The following ACSM3 variants were observed in gnomAD, a reference collection of about 807,000 sequenced individuals.
ACSM3 encodes acyl-coenzyme A synthetase ACSM3, mitochondrial.
Under a neutral mutation model 74.1 loss-of-function variants are expected in ACSM3, and 61 were observed. That is an observed-to-expected ratio of 0.82 (90% CI 0.67 to 1.02). The LOEUF (loss-of-function observed/expected upper bound fraction) is 1.02. Among genes scored for constraint, ACSM3 ranks in the 50% least tolerant of loss-of-function variants. ACSM3 has a pLI of 0.00. For missense variants in ACSM3, 660 were observed against 697.0 expected, an observed-to-expected ratio of 0.95 and a Z score of 0.60; for synonymous variants, 213 against 241.5, an observed-to-expected ratio of 0.88 and a Z score of 1.09.
chr16:20,707,413 T>C (rs558504533), intron 1 of ACSM3, among the ~76,000 whole-genome samples: 126 of 152,322 alleles, frequency 8.3e-4, no homozygotes, highest in South Asian at 2.1e-3. Context: ...TCTCACCCAG[T>C]GGTCCAGCAA....
chr16:20,797,172 T>A lies in ACSM3; in HGVS notation c.*200T>A. ...AAATTCCTCCACATTAGTGTCAATGTTCCTATCATTTCTTAATATAAAAAT... is the reference window on the plus strand; with the variant it reads ...AAATTCCTCCACATTAGTGTCAATGATCCTATCATTTCTTAATATAAAAAT... On this transcript the variant is annotated 3_prime_UTR_variant, in exon 14 of 14. Transcript: ENST00000289416. 1 of 1,301,844 alleles carries A rather than the reference T, an allele frequency of 7.7e-7. No individual in the cohort carries two copies. The highest frequency in any genetic ancestry group is 1.5e-5 in the African/African-American group (1 of 64,804). 80.6% of individuals were successfully genotyped at this position (1,301,844 alleles called of 1,614,324 possible).
In ACSM3 at chr16:20,699,191, T is replaced by C. The variant is rs975388746; in HGVS notation, c.-190+24369T>C. Among the ~76,000 whole-genome samples, 6 of 152,302 alleles carry C rather than the reference T, an allele frequency of 3.9e-5. No homozygotes were observed. In the East Asian group the frequency reaches 7.7e-4, roughly 20 times the overall value. ...TGAAAGGATTATGTGACACCAAGCC[T>C]GTAAAGCACCTGGACCAGGCATTTA... On this transcript the variant is annotated intron_variant, in intron 1 of 3. Coordinates refer to the ACSM3 transcript ENST00000561584.
chr16:20,698,673 TA>T (rs2079703460), intron 1 of ACSM3, among the ~76,000 whole-genome samples: 5 of 152,012 alleles, frequency 3.3e-5, no homozygotes, highest in Admixed American at 1.3e-4. Context: ...CACACCCAGT[TA>T]ATTTTTGTAT....
At chr16:20,764,328 A>G (rs1253834441) in intron 1 of ACSM3, among the ~76,000 whole-genome samples, 1 of 152,276 alleles carries the variant, frequency 6.6e-6, no homozygotes. Flanking sequence ...ACAAAAGGCT[A>G]TAAATGTAGC....
At chr16:20,777,998 A>G (rs2080276961) in intron 4 of ACSM3, among the ~76,000 whole-genome samples, 1 of 152,160 alleles carries the variant, frequency 6.6e-6, no homozygotes, top group Non-Finnish European at 1.5e-5. Context: ...ACCCACATTG[A>G]TCAGTAATTG....
chr16:20,751,082 T>C (rs961462966), intron 2 of ACSM3, among the ~76,000 whole-genome samples: 27 of 152,238 alleles, frequency 1.8e-4, no homozygotes, highest in Admixed American at 5.2e-4. Context: ...TGCCTCAGTC[T>C]CCCAAAGTGC....
chr16:20,793,980 G>A (rs918837650), intron 12 of ACSM3, among the ~76,000 whole-genome samples: 15 of 152,190 alleles, frequency 9.9e-5, no homozygotes, highest in African/African-American at 3.6e-4. Flanking sequence ...ACAGCTCCGG[G>A]GGCTTGGCAT....
intron 1 of ACSM3, among the ~76,000 whole-genome samples, chr16:20,744,409 C>T (rs541756389): frequency 2.4e-4 from 36 of 152,256 alleles, no homozygotes; most frequent in African/African-American, 5.8e-4. Flanking sequence ...TTTTTTGAGA[C>T]GGAGTCTTGC....
At chr16:20,722,062 G>A (rs1457662567) in intron 1 of ACSM3, 2 of 152,156 alleles carry the variant, frequency 1.3e-5, no homozygotes, top group African/African-American at 4.8e-5. Context: ...CTTAGTGAGG[G>A]TTTAAGGGTC....
intron 1 of ACSM3, among the ~76,000 whole-genome samples, chr16:20,747,672 A>G (rs1409528603): frequency 6.6e-6 from 1 of 152,208 alleles, no homozygotes; most frequent in Non-Finnish European, 1.5e-5. Context: ...ACTTCAGTCA[A>G]TGCTCCAAAG....
chr16:20,743,221 A>T (rs2079943507), intron 1 of ACSM3, among the ~76,000 whole-genome samples: 2 of 152,070 alleles, frequency 1.3e-5, no homozygotes, highest in Non-Finnish European at 2.9e-5. Context: ...TACAGGCGTG[A>T]GCCACCGCGC....
At chr16:20,677,972 C>T (rs909175441) in intron 1 of ACSM3, among the ~76,000 whole-genome samples, 1 of 149,686 alleles carries the variant, frequency 6.7e-6, no homozygotes. Context: ...GGCAGAGATG[C>T]ACTGCAAGGG....
chr16:20,731,218 C>A (rs1238268205), intron 1 of ACSM3, among the ~76,000 whole-genome samples: 1 of 152,174 alleles, frequency 6.6e-6, no homozygotes, highest in Non-Finnish European at 1.5e-5. Flanking sequence ...CATTGAGACT[C>A]TTCAAACTCC....
chr16:20,742,811 ATATTTT>A (rs1364310291), intron 1 of ACSM3, among the ~76,000 whole-genome samples: 532 of 33,008 alleles, frequency 0.016, 2 homozygotes, highest in African/African-American at 0.03. Context: ...ATATATATAT[ATATTTT>A]TTTTTTTTCC....
At chr16:20,714,583 A>G (rs1013944629) in intron 1 of ACSM3, among the ~76,000 whole-genome samples, 2 of 152,172 alleles carry the variant, frequency 1.3e-5, no homozygotes, top group African/African-American at 4.8e-5. Context: ...GCAGCAAACT[A>G]AAGAACTAGC....
At chr16:20,789,586 A>G (rs767791701) in intron 9 of ACSM3, 1 of 1,493,192 alleles carries the variant, frequency 6.7e-7, no homozygotes, top group East Asian at 2.3e-5. Flanking sequence ...CCAGTAATGA[A>G]GATATTTATT....
chr16:20,772,600 A>G (rs554748704), intron 2 of ACSM3, among the ~76,000 whole-genome samples: 6 of 152,144 alleles, frequency 3.9e-5, no homozygotes, highest in African/African-American at 4.8e-5. Flanking sequence ...TCCTCGGACC[A>G]TGTACTGAAG....
chr16:20,737,208 T>C, intron 1 of ACSM3: 3 of 1,614,232 alleles, frequency 1.9e-6, no homozygotes, highest in Non-Finnish European at 2.5e-6. Context: ...ACAGACAGCT[T>C]TGATGATTTC....
At chr16:20,767,646 G>A (rs2080142561) in intron 1 of ACSM3, among the ~76,000 whole-genome samples, 1 of 151,900 alleles carries the variant, frequency 6.6e-6, no homozygotes, top group Non-Finnish European at 1.5e-5. Flanking sequence ...GATTCAGAGT[G>A]ATTTTAGTTC....
Sources: allele counts gnomAD v4.1 joint callset (sites outside exome capture counted in the v4.1 genomes callset), GRCh38; gene constraint gnomAD v4.1.1; transcripts MANE v1.5; gene names NCBI Gene and HGNC (gene_info 2026-07-23, HGNC 2026-07-21).